The following MARCHF8 variants were observed in gnomAD, a reference collection of about 807,000 sequenced individuals.
MARCHF8 encodes membrane associated ring-CH-type finger 8.
In MARCHF8, 40 loss-of-function variants were observed where a neutral mutation model predicts 51.6. The observed-to-expected ratio is 0.77, with a 90% CI of 0.60 to 1.01. The LOEUF is 1.01. Ranked by LOEUF, MARCHF8 falls within the 50% of genes least tolerant of loss-of-function variation. The pLI, the probability that MARCHF8 is intolerant of heterozygous loss-of-function variation, is 0.00. For missense variants in MARCHF8, 685 were observed against 708.6 expected (o/e 0.97, Z 0.38); for synonymous variants, 263 against 280.3 (o/e 0.94, Z 0.62).
At chr10:45,479,599 G>A (rs2042849583) in intron 3 of MARCHF8, among the ~76,000 whole-genome samples, 1 of 152,160 alleles carries the variant, frequency 6.6e-6, no homozygotes, top group Admixed American at 6.5e-5. Flanking sequence ...TAGTGAATAA[G>A]TCTCATGAAA....
At chr10:45,510,298 T>G (rs2043473651) in intron 2 of MARCHF8, among the ~76,000 whole-genome samples, 2 of 152,172 alleles carry the variant, frequency 1.3e-5, no homozygotes, top group Non-Finnish European at 2.9e-5. Flanking sequence ...ATGCAGTCTA[T>G]GGTATTTTCT....
At position 45,476,078 on chromosome 10, in the gene MARCHF8, C is replaced by T. The variant is rs191720721; in HGVS notation, c.154-11751G>A. On this transcript the variant is annotated intron_variant, in intron 3 of 7. Coordinates refer to ENST00000453424, the MANE Select transcript of MARCHF8 (RefSeq NM_001282866.2). ...CACACCCTCAGGAAAAACTCCTCTC[C>T]TACAACAGCAAATTAAGAAAACTAG... 1.6e-3 allele frequency among the ~76,000 whole-genome samples: 246 copies of T among 152,304 alleles called. 1 individual carries two copies. Among genetic ancestry groups the T allele is most frequent in the African/African-American group, 5.3e-3 (219 of 41,548 alleles).
At chr10:45,510,011 C>T (rs138080064) in intron 2 of MARCHF8, among the ~76,000 whole-genome samples, 58 of 152,288 alleles carry the variant, frequency 3.8e-4, no homozygotes, top group Non-Finnish European at 7.2e-4. Context: ...ACATCTCATA[C>T]GTGCCTGACT....
chr10:45,490,888 C>A (rs2043068382), intron 2 of MARCHF8, among the ~76,000 whole-genome samples: 1 of 152,120 alleles, frequency 6.6e-6, no homozygotes, highest in Admixed American at 6.5e-5. Flanking sequence ...CAGGGATGTG[C>A]CAACATGTCT....
chr10:45,590,472 G>A lies in MARCHF8; in HGVS notation c.-79+3763C>T, dbSNP rs370446339. Among the ~76,000 whole-genome samples the A allele has an allele frequency of 2.0e-3, 306 of 152,172 alleles. 1 individual carries two copies. The highest frequency in any genetic ancestry group is 6.9e-3 in the African/African-American group (285 of 41,494). ...CCACTGCTTGTAGGACAATAAAACC[G>A]TACAGCTACATTGGAAAGCAATTTG... On this transcript the variant is annotated intron_variant, in intron 1 of 6. Transcript: ENST00000319836.
chr10:45,497,568 T>C (rs2043196062), intron 2 of MARCHF8, among the ~76,000 whole-genome samples: 1 of 152,194 alleles, frequency 6.6e-6, no homozygotes, highest in Non-Finnish European at 1.5e-5. Flanking sequence ...ATATACAGTA[T>C]GATTCTGGCT....
intron 1 of MARCHF8, among the ~76,000 whole-genome samples, chr10:45,571,021 C>G (rs2044422543): frequency 6.6e-6 from 1 of 152,114 alleles, no homozygotes. Flanking sequence ...CAATTCCAAC[C>G]ATATTCCCAC....
At chr10:45,544,156 C>T (rs758300431) in intron 1 of MARCHF8, among the ~76,000 whole-genome samples, 1 of 152,150 alleles carries the variant, frequency 6.6e-6, no homozygotes, top group Non-Finnish European at 1.5e-5. Flanking sequence ...TGATATACCA[C>T]TATACCCCCA....
chr10:45,575,971 C>T (rs1054129413), intron 1 of MARCHF8, among the ~76,000 whole-genome samples: 4 of 152,216 alleles, frequency 2.6e-5, no homozygotes, highest in Non-Finnish European at 5.9e-5. Context: ...TGGCCCCACC[C>T]CTTTCTCCCT....
chr10:45,539,491 A>G (rs2044020887), upstream of MARCHF8, among the ~76,000 whole-genome samples: 1 of 152,240 alleles, frequency 6.6e-6, no homozygotes, highest in South Asian at 2.1e-4. Context: ...AAGGAAATAG[A>G]GACACAAAAG....
At chr10:45,506,171 G>C (rs2043379881) in intron 2 of MARCHF8, among the ~76,000 whole-genome samples, 1 of 152,078 alleles carries the variant, frequency 6.6e-6, no homozygotes, top group African/African-American at 2.4e-5. Context: ...AAAATAAGGA[G>C]GTTGAAGATC....
Position 45,462,635 on chromosome 10 carries a change from T to G in MARCHF8, c.1088+516A>C, listed in dbSNP as rs571133586. Among the ~76,000 whole-genome samples the G allele has an allele frequency of 1.2e-4, 11 of 89,586 alleles. No individual in the cohort carries two copies. The East Asian group carries it at 2.0e-3, about 16-fold the overall frequency. 58.8% of individuals were successfully genotyped at this position (89,586 alleles called of 152,430 possible). A position where few individuals can be genotyped will look rare whatever the true frequency, so the allele number is the denominator to read the frequency against. On this transcript the variant is annotated intron_variant, in intron 5 of 7. Transcript: ENST00000453424. ...CTCTTTTTTTTTTTGTTTTGTTTTG[T>G]TTTTTTTTAGACAGAGTTTCACTCT...
intron 1 of MARCHF8, among the ~76,000 whole-genome samples, chr10:45,554,062 T>C (rs1265403894): frequency 6.6e-6 from 1 of 152,212 alleles, no homozygotes; most frequent in Non-Finnish European, 1.5e-5. Flanking sequence ...GAATTGGTGG[T>C]ATAATCATGC....
At chr10:45,593,591 A>C (rs1351325223) in intron 1 of MARCHF8, 2 of 152,216 alleles carry the variant, frequency 1.3e-5, no homozygotes, top group African/African-American at 4.8e-5. Context: ...GGTTGGCCTC[A>C]AAAGTCTCCC....
rs1842628181 is a variant in MARCHF8 at position 45,457,063 on chromosome 10, ACAG to A, written c.*1173_*1175del. On this transcript the variant is annotated 3_prime_UTR_variant, in exon 8 of 8. Coordinates refer to ENST00000453424, the MANE Select transcript of MARCHF8 (RefSeq NM_001282866.2). The stretch of plus-strand genomic sequence containing the variant: ...GCCTCTTGGCCCTGGTAGTGACTCC[ACAG>A]AACTTCCCCGAGCAGAAGCCTCACA... The A allele has an allele frequency of 6.6e-6, 1 of 152,308 alleles. No individual in the cohort carries two copies. The highest frequency in any genetic ancestry group is 2.4e-5 in the African/African-American group (1 of 41,438). 9.4% of individuals were successfully genotyped at this position (152,308 alleles called of 1,614,324 possible).
At chr10:45,537,749 A>C (rs2043993764), upstream of MARCHF8, among the ~76,000 whole-genome samples, 1 of 152,104 alleles carries the variant, frequency 6.6e-6, no homozygotes, top group South Asian at 2.1e-4. Flanking sequence ...TGCCCAGAGG[A>C]GATAAATCTA....
chr10:45,478,326 C>G (rs1353839969), intron 3 of MARCHF8, among the ~76,000 whole-genome samples: 1 of 151,990 alleles, frequency 6.6e-6, no homozygotes, highest in Admixed American at 6.6e-5. Flanking sequence ...AAGGAGAAAA[C>G]ATAAAAATGC....
intron 1 of MARCHF8, among the ~76,000 whole-genome samples, chr10:45,578,586 G>A (rs1470467233): frequency 3.9e-5 from 6 of 152,156 alleles, no homozygotes. Flanking sequence ...AAAGTTTGAT[G>A]AGGAACAGGA....
At chr10:45,529,041 G>C (rs1347128160) in intron 2 of MARCHF8, among the ~76,000 whole-genome samples, 1 of 152,186 alleles carries the variant, frequency 6.6e-6, no homozygotes, top group Non-Finnish European at 1.5e-5. Context: ...AACAATACTT[G>C]AGGCATCAAA....
Sources: allele counts gnomAD v4.1 joint callset (sites outside exome capture counted in the v4.1 genomes callset), GRCh38; gene constraint gnomAD v4.1.1; transcripts MANE v1.5; gene names NCBI Gene and HGNC (gene_info 2026-07-23, HGNC 2026-07-21).